The following GRID2 variants were observed in gnomAD, a reference collection of about 807,000 sequenced individuals.
The protein encoded by GRID2 is glutamate ionotropic receptor delta type subunit 2.
GRID2 carries 33 observed loss-of-function variants against 114.8 expected under a neutral mutation model. That is an observed-to-expected ratio of 0.29 (90% confidence interval 0.22 to 0.38). GRID2 has a LOEUF of 0.38. Among genes scored for constraint, GRID2 ranks in the 10% least tolerant of loss-of-function variants. The pLI is 1.00. For missense variants in GRID2, 1,184 were observed against 1,257.7 expected, an observed-to-expected ratio of 0.94 and a Z score of 0.89; for synonymous variants, 505 against 449.9, an observed-to-expected ratio of 1.12 and a Z score of -1.55.
chr4:93,042,699 A>C (rs1725705668), intron 2 of GRID2, among the ~76,000 whole-genome samples: 1 of 144,468 alleles, frequency 6.9e-6, no homozygotes. Context: ...ATGCATATAT[A>C]TATGCATATA....
intron 8 of GRID2, among the ~76,000 whole-genome samples, chr4:93,332,299 TGA>T (rs10596544): frequency 0.14 from 16,658 of 120,268 alleles, 1,278 homozygotes; most frequent in East Asian, 0.44. Flanking sequence ...TGTGTGTGTG[TGA>T]GAGAGAGAGA....
At chr4:93,659,965 T>C (rs926223852) in intron 14 of GRID2, among the ~76,000 whole-genome samples, 3 of 152,146 alleles carry the variant, frequency 2.0e-5, no homozygotes, top group African/African-American at 7.2e-5. Flanking sequence ...TTATTTTACA[T>C]GAATACCAGC....
intron 2 of GRID2, among the ~76,000 whole-genome samples, chr4:93,078,603 T>C (rs1486408226): frequency 6.7e-6 from 1 of 149,394 alleles, no homozygotes; most frequent in South Asian, 2.1e-4. Context: ...TCGGGAGCTA[T>C]GAAATCTATC....
intron 2 of GRID2, among the ~76,000 whole-genome samples, chr4:92,666,551 C>G (rs1026786819): frequency 2.0e-5 from 3 of 150,856 alleles, no homozygotes. Context: ...ACTCCTTCAC[C>G]TGGATATGCT....
At chr4:92,543,442 T>C (rs1726080921) in intron 1 of GRID2, among the ~76,000 whole-genome samples, 1 of 152,166 alleles carries the variant, frequency 6.6e-6, no homozygotes, top group Non-Finnish European at 1.5e-5. Flanking sequence ...ACTTTAAGAA[T>C]TAACTTGTAA....
At chr4:93,101,676 C>T (rs1234957674) in intron 3 of GRID2, among the ~76,000 whole-genome samples, 1 of 152,018 alleles carries the variant, frequency 6.6e-6, no homozygotes, top group East Asian at 1.9e-4. Context: ...TAAAATTAAT[C>T]TTACTTTACA....
chr4:93,137,736 T>C (rs2149382496), intron 4 of GRID2, among the ~76,000 whole-genome samples: 1 of 152,274 alleles, frequency 6.6e-6, no homozygotes, highest in African/African-American at 2.4e-5. Context: ...TCATGGGGGA[T>C]GTTTTAATTA....
intron 2 of GRID2, among the ~76,000 whole-genome samples, chr4:92,611,425 C>T (rs1375249935): frequency 3.3e-5 from 5 of 151,426 alleles, no homozygotes; most frequent in Non-Finnish European, 3.0e-5. Context: ...GACACTAATC[C>T]TATCAGATAA....
At chr4:92,767,834 A>G (rs182126534) in intron 2 of GRID2, among the ~76,000 whole-genome samples, 2 of 151,618 alleles carry the variant, frequency 1.3e-5, no homozygotes, top group African/African-American at 4.8e-5. Flanking sequence ...TGAGGCCAGG[A>G]TTTCAAGGCT....
At chr4:92,503,787 G>A (rs1380768675) in intron 1 of GRID2, among the ~76,000 whole-genome samples, 1 of 151,924 alleles carries the variant, frequency 6.6e-6, no homozygotes, top group Non-Finnish European at 1.5e-5. Context: ...TAAACCTGAA[G>A]GAAAGTTTTT....
intron 2 of GRID2, among the ~76,000 whole-genome samples, chr4:93,004,331 A>G (rs986940598): frequency 1.3e-5 from 2 of 151,862 alleles, no homozygotes; most frequent in African/African-American, 4.8e-5. Flanking sequence ...TCTTCATTTT[A>G]TTTGGAAAAT....
chr4:93,366,905 A>G (rs922558363), intron 8 of GRID2, among the ~76,000 whole-genome samples: 23 of 152,026 alleles, frequency 1.5e-4, no homozygotes, highest in African/African-American at 5.3e-4. Context: ...CTAATTTGAA[A>G]AAGAATATAT....
intron 2 of GRID2, among the ~76,000 whole-genome samples, chr4:93,078,793 T>TAATTATATTTATGTACTATATATACTA (rs1170082900): frequency 6.8e-6 from 1 of 147,070 alleles, no homozygotes; most frequent in Non-Finnish European, 1.5e-5. Context: ...ATACTAAATA[T>TAATTATATTTATGTACTATATATACTA]AATTATATTT....
At chr4:92,944,615 G>T (rs1442498332) in intron 2 of GRID2, among the ~76,000 whole-genome samples, 1 of 152,232 alleles carries the variant, frequency 6.6e-6, no homozygotes, top group African/African-American at 2.4e-5. Flanking sequence ...TGGTATCTCA[G>T]TTGGAAAAGT....
chr4:92,645,200 G>T (rs1174738563), intron 2 of GRID2, among the ~76,000 whole-genome samples: 1 of 151,490 alleles, frequency 6.6e-6, no homozygotes, highest in African/African-American at 2.4e-5. Flanking sequence ...TTTTCATATT[G>T]TTAGAAGTTG....
chr4:92,661,928 C>G (rs972460109), intron 2 of GRID2, among the ~76,000 whole-genome samples: 6 of 150,930 alleles, frequency 4.0e-5, no homozygotes, highest in Non-Finnish European at 7.4e-5. Context: ...ACTAAAAATG[C>G]TAGTTACTAT....
At chr4:92,515,809 T>C (rs1647712952) in intron 1 of GRID2, among the ~76,000 whole-genome samples, 2 of 151,976 alleles carry the variant, frequency 1.3e-5, no homozygotes, top group African/African-American at 4.8e-5. Context: ...TATTGTTCTT[T>C]TGTTTGTCGA....
intron 1 of GRID2, among the ~76,000 whole-genome samples, chr4:92,477,888 C>G (rs924203078): frequency 1.3e-5 from 2 of 148,456 alleles, no homozygotes; most frequent in African/African-American, 4.9e-5. Context: ...TAGAGATACA[C>G]AAATTGAAAA....
At chr4:93,651,601 G>A (rs2082810) in intron 14 of GRID2, among the ~76,000 whole-genome samples, 2 of 152,064 alleles carry the variant, frequency 1.3e-5, no homozygotes, top group Admixed American at 6.6e-5. Context: ...GTCACACTAC[G>A]AGTCTAATAT....
Sources: allele counts gnomAD v4.1 joint callset (sites outside exome capture counted in the v4.1 genomes callset), GRCh38; gene constraint gnomAD v4.1.1; transcripts MANE v1.5; gene names NCBI Gene and HGNC (gene_info 2026-07-23, HGNC 2026-07-21).